The following ATP2B4 variants were observed in gnomAD, a reference collection of about 807,000 sequenced individuals.
The protein encoded by ATP2B4 is plasma membrane calcium-transporting ATPase 4.
ATP2B4 carries 39 observed loss-of-function variants against 110.3 expected under a neutral mutation model. The observed-to-expected ratio is 0.35, with a 90% CI of 0.27 to 0.46. The LOEUF is 0.46. Among genes scored for constraint, ATP2B4 ranks in the 20% least tolerant of loss-of-function variants. ATP2B4 has a pLI of 1.00. For synonymous variants in ATP2B4, 538 were observed against 571.7 expected (o/e 0.94, Z 0.84); for missense variants, 1,135 against 1,530.9 (o/e 0.74, Z 4.32).
At chr1:203,714,078 A>C in intron 14 of ATP2B4, 93 bp from the exon 15 acceptor site, 1 of 1,221,036 alleles carries the variant, frequency 8.2e-7, no homozygotes, top group Non-Finnish European at 1.2e-6. Context: ...GGAAAAGGGA[A>C]GGAAAGAAGA....
At position 203,722,351 on chromosome 1, in the gene ATP2B4, G is replaced by A. The variant is rs538334421; in HGVS notation, c.2813-127G>A. 39 of 754,098 alleles carry A rather than the reference G, an allele frequency of 5.2e-5. No individual in the cohort carries two copies. The African/African-American group carries it at 6.5e-4, about 13-fold the overall frequency. The allele number at this position is 754,098 out of a possible 1,614,324, so 46.7% of individuals were successfully genotyped here. On this transcript the variant is annotated intron_variant, in intron 17 of 20. Coordinates refer to ENST00000357681, the MANE Select transcript of ATP2B4 (RefSeq NM_001684.5). ...CCTGTGTCAAAAAAATAAATAACTA[G>A]TGCAGCTCAGATATTGATTAATTAG...
intron 1 of ATP2B4, among the ~76,000 whole-genome samples, chr1:203,667,365 G>A (rs892816390): frequency 4.6e-5 from 7 of 152,214 alleles, no homozygotes; most frequent in Non-Finnish European, 1.0e-4. Flanking sequence ...AAGGAGCAAT[G>A]TTCCCTGTAG....
At chr1:203,659,575 G>C (rs1217491771) in intron 1 of ATP2B4, among the ~76,000 whole-genome samples, 1 of 152,174 alleles carries the variant, frequency 6.6e-6, no homozygotes, top group Non-Finnish European at 1.5e-5. Context: ...TGAGGTGGGA[G>C]GATCACTTGA....
Position 203,699,972 on chromosome 1 carries a change from A to T in ATP2B4, c.650-234A>T, listed in dbSNP as rs1891812. 0.25 allele frequency among the ~76,000 whole-genome samples: 38,074 copies of T among 151,802 alleles called. 5,588 individuals are homozygous for T. The highest frequency in any genetic ancestry group is 0.56 in the East Asian group (2,889 of 5,120). ...AAAGTGTATAACATTCAGGCCATGG[A>T]AAGGTGTTGGGGATGAATAAGAGTT... On this transcript the variant is annotated intron_variant, in intron 4 of 20. Transcript: ENST00000357681.
chr1:203,671,361 T>C (rs113483656), intron 1 of ATP2B4, among the ~76,000 whole-genome samples: 4,609 of 152,262 alleles, frequency 0.03, 126 homozygotes, highest in African/African-American at 0.075. Context: ...TAAGTCTCAC[T>C]ATGTTGCCAA....
Position 203,699,635 on chromosome 1 carries a change from G to T in ATP2B4, c.567G>T (p.Lys189Asn). The change falls in exon 4 of 21, where the codon AAG becomes AAT. Residue 189 changes from lysine to asparagine, a missense_variant. By Grantham distance (94) the Lys-to-Asn change is moderately conservative. This residue lies in a region of ATP2B4 where 101 missense variants were observed against 182.6 expected (regional missense o/e 0.55). Transcript: ENST00000357681. ...AGTGCCGCATTGAACAGGAGCAAAA[G>T]TTCTCCATCATCCGAAACGGTCAAC... ...GLQCRIEQEQ[K>N]FSIIRNGQLI... 6.2e-7 allele frequency: 1 copy of T among 1,614,198 alleles called. No homozygotes were observed. Among genetic ancestry groups the T allele is most frequent in the Non-Finnish European group, 8.5e-7 (1 of 1,180,036 alleles).
intron 8 of ATP2B4, 132 bp from the exon 9 acceptor site, chr1:203,706,877 T>C: frequency 1.4e-6 from 1 of 716,528 alleles, no homozygotes; most frequent in Non-Finnish European, 2.3e-6. Context: ...GGGGGGGATT[T>C]TAGTAAGTCT....
chr1:203,717,890 T>C (rs528002261), intron 15 of ATP2B4, among the ~76,000 whole-genome samples: 3 of 152,056 alleles, frequency 2.0e-5, no homozygotes, highest in Admixed American at 6.6e-5. Flanking sequence ...GTGATCCACC[T>C]ACCTCAACCT....
At chr1:203,655,665 A>T (rs545211812) in intron 1 of ATP2B4, among the ~76,000 whole-genome samples, 26 of 152,054 alleles carry the variant, frequency 1.7e-4, no homozygotes, top group Non-Finnish European at 2.8e-4. Context: ...TAATAATAAT[A>T]AATAAAATAA....
Position 203,742,008 on chromosome 1 carries a change from A to G in ATP2B4, c.*2154A>G, listed in dbSNP as rs966221098. The G allele has an allele frequency of 7.2e-5, 11 of 152,622 alleles. No homozygotes were observed. Among genetic ancestry groups the G allele is most frequent in the Admixed American group, 3.3e-4 (5 of 15,276 alleles). The allele number at this position is 152,622 out of a possible 1,614,324, so 9.5% of individuals were successfully genotyped here. ...CATGGTGCCTGACAGGTTACCCTTG[A>G]GGGCTTGTGTCTACTTTTTAAAAGT... On this transcript the variant is annotated 3_prime_UTR_variant, in exon 21 of 21. Transcript: ENST00000357681.
chr1:203,698,064 T>C, intron 2 of ATP2B4, 93 bp from the exon 3 acceptor site: 1 of 1,078,074 alleles, frequency 9.3e-7, no homozygotes, highest in South Asian at 1.4e-5. Context: ...TAGAGTGTAA[T>C]GACATGATCA....
At chr1:203,644,088 A>G (rs964606866) in intron 1 of ATP2B4, among the ~76,000 whole-genome samples, 4 of 152,036 alleles carry the variant, frequency 2.6e-5, no homozygotes, top group African/African-American at 9.7e-5. Flanking sequence ...CATCTCTACT[A>G]AAAGTACAAA....
rs1246730502 is a variant in ATP2B4, at chr1:203,707,853, C to T, written c.1315-9C>T. On this transcript the variant is annotated splice_polypyrimidine_tract_variant and intron_variant, in intron 9 of 20. Transcript: ENST00000357681. The stretch of plus-strand genomic sequence containing the variant: ...CCCCCTCTCAAGTCTTTTCTCTTCT[C>T]CTTTGTAGAAAATGATGAAAGACAA... 12 of 1,613,318 alleles carry T rather than the reference C, an allele frequency of 7.4e-6. No individual in the cohort carries two copies. Among genetic ancestry groups the T allele is most frequent in the Non-Finnish European group, 9.3e-6 (11 of 1,179,442 alleles).
intron 1 of ATP2B4, among the ~76,000 whole-genome samples, chr1:203,679,923 T>C (rs1454820743): frequency 1.3e-5 from 2 of 151,904 alleles, no homozygotes; most frequent in Admixed American, 6.6e-5. Context: ...TAGCTGGGCA[T>C]GGTGGCAGGT....
chr1:203,711,224 T>C (rs1665999993), intron 12 of ATP2B4, 116 bp downstream of exon 12: 2 of 917,392 alleles, frequency 2.2e-6, no homozygotes, highest in South Asian at 3.2e-5. Flanking sequence ...TAGAAGTTTC[T>C]GTGCTTCCTG....
At chr1:203,677,590 G>A (rs1397461893) in intron 1 of ATP2B4, among the ~76,000 whole-genome samples, 2 of 152,170 alleles carry the variant, frequency 1.3e-5, no homozygotes, top group Non-Finnish European at 2.9e-5. Flanking sequence ...AGCCTCCCAA[G>A]TAGTTGGGAT....
chr1:203,654,710 G>A (rs973727552), intron 1 of ATP2B4, among the ~76,000 whole-genome samples: 1 of 151,776 alleles, frequency 6.6e-6, no homozygotes, highest in Middle Eastern at 3.2e-3. Context: ...GCAACACAGG[G>A]GGACCCTGTC....
At chr1:203,665,576 C>T (rs759111545) in intron 1 of ATP2B4, among the ~76,000 whole-genome samples, 72 of 152,004 alleles carry the variant, frequency 4.7e-4, no homozygotes, top group Non-Finnish European at 7.9e-4. Flanking sequence ...CCAAGATGGG[C>T]GGATCACGAG....
In ATP2B4 at chr1:203,703,643, A is replaced by G. The variant is rs1665760218; in HGVS notation, c.938-9A>G. Reference sequence around the variant, plus strand: ...CTGCTCACCTGTCCTATTTGTGTGTACACTCCAGCAAAGACCCAAGACGGA... The same window carrying G: ...CTGCTCACCTGTCCTATTTGTGTGTGCACTCCAGCAAAGACCCAAGACGGA... On this transcript the variant is annotated splice_polypyrimidine_tract_variant and intron_variant, in intron 7 of 20. Coordinates refer to ENST00000357681, the MANE Select transcript of ATP2B4 (RefSeq NM_001684.5). 6.2e-7 allele frequency: 1 copy of G among 1,613,412 alleles called. No individual in the cohort carries two copies. The highest frequency in any genetic ancestry group is 8.5e-7 in the Non-Finnish European group (1 of 1,179,610).
Sources: gnomAD v4.1 joint callset for allele counts (sites outside exome capture counted in the v4.1 genomes callset) on GRCh38, gnomAD v4.1.1 for gene constraint, gnomAD v4.1.1 regional missense constraint, MANE v1.5 for transcripts, NCBI Gene and HGNC (gene_info 2026-07-23, HGNC 2026-07-21) for gene names.